Variants in ATP10A observed in about 807,000 individuals in gnomAD.
The protein encoded by ATP10A is ATPase phospholipid transporting 10A (putative).
Under a neutral mutation model 147.8 loss-of-function variants are expected in ATP10A, and 111 were observed. The observed-to-expected ratio is 0.75, with a 90% CI of 0.64 to 0.88. The LOEUF (loss-of-function observed/expected upper bound fraction) is 0.88, where lower values mean the gene tolerates loss of function less well. ATP10A is among the 40% of genes least tolerant of loss of function. The pLI, the probability that ATP10A is intolerant of heterozygous loss-of-function variation, is 0.00. For synonymous variants in ATP10A, 875 were observed against 841.6 expected (o/e 1.04, Z -0.69); for missense variants, 1,927 against 1,959.0 (o/e 0.98, Z 0.31).
intron 1 of ATP10A, among the ~76,000 whole-genome samples, chr15:25,845,049 T>A (rs929666324): frequency 1.3e-5 from 2 of 151,546 alleles, no homozygotes; most frequent in African/African-American, 2.4e-5. Flanking sequence ...TCTCCACAAA[T>A]CCCCCCCAAA....
intron 1 of ATP10A, among the ~76,000 whole-genome samples, chr15:25,826,497 G>A (rs1892118770): frequency 6.6e-6 from 1 of 152,188 alleles, no homozygotes; most frequent in Admixed American, 6.5e-5. Context: ...AAGAGGTGGA[G>A]GTTGCAGTGA....
intron 1 of ATP10A, among the ~76,000 whole-genome samples, chr15:25,823,671 C>T (rs1456798467): frequency 6.6e-6 from 1 of 152,178 alleles, no homozygotes; most frequent in Non-Finnish European, 1.5e-5. Flanking sequence ...TATTGTTGAT[C>T]TTTAATTTCT....
At chr15:25,817,211 T>C (rs1891698642) in intron 1 of ATP10A, among the ~76,000 whole-genome samples, 1 of 152,018 alleles carries the variant, frequency 6.6e-6, no homozygotes, top group South Asian at 2.1e-4. Flanking sequence ...GCCTCCCAAA[T>C]AGCTGGGATT....
intron 2 of ATP10A, among the ~76,000 whole-genome samples, chr15:25,763,639 C>T (rs1408826906): frequency 6.6e-6 from 1 of 152,220 alleles, no homozygotes; most frequent in East Asian, 1.9e-4. Context: ...GACCAGGACA[C>T]AGCAAGACAC....
rs56040035 is a variant in ATP10A, at chr15:25,705,476, T to C, written c.2575+2500A>G. ...AAACAAAAAAAAAAAACAAAAAAAA[T>C]CACCTTCATGAAAAGATTTGGCTTT... On this transcript the variant is annotated intron_variant, in intron 12 of 20. Coordinates refer to ENST00000555815, the MANE Select transcript of ATP10A (RefSeq NM_024490.4). Among the ~76,000 whole-genome samples, 4 of 144,692 alleles carry C rather than the reference T, an allele frequency of 2.8e-5. No individual in the cohort carries two copies. The East Asian group carries it at 8.3e-4, about 30-fold the overall frequency. 94.9% of individuals were successfully genotyped at this position (144,692 alleles called of 152,430 possible).
chr15:25,785,482 G>A (rs779793545), intron 1 of ATP10A, among the ~76,000 whole-genome samples: 4 of 152,180 alleles, frequency 2.6e-5, no homozygotes, highest in African/African-American at 4.8e-5. Context: ...CCACTGCCAC[G>A]GCAGCCTGAG....
At chr15:25,864,655 T>C (rs569841898), upstream of ATP10A, among the ~76,000 whole-genome samples, 1 of 152,286 alleles carries the variant, frequency 6.6e-6, no homozygotes, top group South Asian at 2.1e-4. Flanking sequence ...AGGGGTGGGC[T>C]TTTGACATGT....
At chr15:25,773,695 G>A (rs1889456034) in intron 2 of ATP10A, among the ~76,000 whole-genome samples, 1 of 152,176 alleles carries the variant, frequency 6.6e-6, no homozygotes, top group Middle Eastern at 3.4e-3. Flanking sequence ...ACCTAATAAA[G>A]CAATATCACT....
rs762431612 is a variant in ATP10A, at chr15:25,679,738, C to T, written c.4103G>A (p.Gly1368Glu). 2.9e-5 allele frequency: 46 copies of T among 1,613,290 alleles called. No individual in the cohort carries two copies. In the Admixed American group the frequency reaches 4.8e-4, roughly 17 times the overall value. The change falls in exon 21 of 21, where the codon GGG (glycine) becomes GAG (glutamate). Residue 1368 changes from glycine (G) to glutamate (E), a missense_variant. Coordinates refer to ENST00000555815, the MANE Select transcript of ATP10A (RefSeq NM_024490.4). ...QQPVCSLEASGEPSTVDMSMP... is the reference protein window; with the variant it reads ...QQPVCSLEASEEPSTVDMSMP... ...GCTCATGTCCACTGTGCTGGGCTCCCCGCTGGCCTCCAGGGAGCAGACCGG... is the reference window on the plus strand; with the variant it reads ...GCTCATGTCCACTGTGCTGGGCTCCTCGCTGGCCTCCAGGGAGCAGACCGG...
At chr15:25,737,968 T>C (rs1485034464) in intron 2 of ATP10A, among the ~76,000 whole-genome samples, 2 of 152,094 alleles carry the variant, frequency 1.3e-5, no homozygotes, top group Non-Finnish European at 2.9e-5. Context: ...TGTGAGAAAA[T>C]AAACTTCCGT....
chr15:25,710,078 G>A (rs1901309024), intron 10 of ATP10A: 1 of 152,432 alleles, frequency 6.6e-6, no homozygotes, highest in Non-Finnish European at 1.5e-5. Flanking sequence ...GGGGGTGGCT[G>A]ATTTCGAGCT....
At chr15:25,815,650 A>C (rs1371104435) in intron 1 of ATP10A, among the ~76,000 whole-genome samples, 4 of 152,266 alleles carry the variant, frequency 2.6e-5, no homozygotes, top group Admixed American at 6.5e-5. Context: ...CCAAACCCAA[A>C]AATGAATTCT....
intron 12 of ATP10A, among the ~76,000 whole-genome samples, chr15:25,703,537 G>T (rs1900796282): frequency 6.6e-6 from 1 of 152,158 alleles, no homozygotes; most frequent in Admixed American, 6.5e-5. Context: ...AATGTCTGTG[G>T]CTTAAGTCCC....
chr15:25,764,767 G>A (rs1888937179), intron 2 of ATP10A, among the ~76,000 whole-genome samples: 1 of 152,180 alleles, frequency 6.6e-6, no homozygotes, highest in South Asian at 2.1e-4. Context: ...CCCATCACCT[G>A]AAATACAAAG....
At chr15:25,833,253 G>A (rs532969140) in intron 1 of ATP10A, among the ~76,000 whole-genome samples, 24 of 152,060 alleles carry the variant, frequency 1.6e-4, no homozygotes, top group African/African-American at 5.8e-4. Context: ...AAAGTGCTGG[G>A]ATTACAGGTG....
At chr15:25,782,049 T>C (rs1024287640) in intron 1 of ATP10A, among the ~76,000 whole-genome samples, 3 of 152,222 alleles carry the variant, frequency 2.0e-5, no homozygotes, top group African/African-American at 7.2e-5. Context: ...GGAGGTAGGA[T>C]AATCCATGTA....
At chr15:25,814,136 GA>G (rs892254632) in intron 1 of ATP10A, among the ~76,000 whole-genome samples, 3 of 151,508 alleles carry the variant, frequency 2.0e-5, no homozygotes, top group African/African-American at 7.3e-5. Context: ...TGAAAACTGA[GA>G]AAAAAATATT....
At position 25,687,662 on chromosome 15, in the gene ATP10A, C is replaced by T. The variant is rs370866466; in HGVS notation, c.3291+41G>A. 56 of 1,372,934 alleles carry T rather than the reference C, an allele frequency of 4.1e-5. No homozygotes were observed. In the African/African-American group the frequency reaches 5.2e-4, roughly 13 times the overall value. The allele number at this position is 1,372,934 out of a possible 1,614,324, so 85.0% of individuals were successfully genotyped here. ...TCAGGCGATGGTCCTAAGAACCGAA[C>T]CTTCCAATCCCAAAACTCTAGACAG... is the stretch of plus-strand genomic sequence containing the variant. On this transcript the variant is annotated intron_variant, in intron 16 of 20. Coordinates refer to ENST00000555815, the MANE Select transcript of ATP10A (RefSeq NM_024490.4).
intron 1 of ATP10A, among the ~76,000 whole-genome samples, chr15:25,825,819 A>G (rs1307143001): frequency 6.6e-6 from 1 of 152,216 alleles, no homozygotes; most frequent in East Asian, 1.9e-4. Flanking sequence ...GCCAACAAAT[A>G]AGAAAAGAAA....
Sources: allele counts gnomAD v4.1 joint callset (sites outside exome capture counted in the v4.1 genomes callset), GRCh38; gene constraint gnomAD v4.1.1; transcripts MANE v1.5; gene names NCBI Gene and HGNC (gene_info 2026-07-23, HGNC 2026-07-21).